The following KCTD8 variants were observed in gnomAD, a reference collection of about 807,000 sequenced individuals.
The protein encoded by KCTD8 is BTB/POZ domain-containing protein KCTD8.
Under a neutral mutation model 31.5 loss-of-function variants are expected in KCTD8, and 27 were observed. That is an observed-to-expected ratio of 0.86 (90% CI 0.63 to 1.18). The LOEUF (loss-of-function observed/expected upper bound fraction) is 1.18, where lower values mean the gene tolerates loss of function less well. KCTD8 is among the 50% of genes most tolerant of loss of function. The pLI is 0.00. For synonymous variants in KCTD8, 290 were observed against 280.0 expected (o/e 1.04, Z -0.36); for missense variants, 658 against 647.7 (o/e 1.02, Z -0.17).
At chr4:44,349,309 G>A (rs1259357922) in intron 1 of KCTD8, among the ~76,000 whole-genome samples, 1 of 152,300 alleles carries the variant, frequency 6.6e-6, no homozygotes, top group Admixed American at 6.5e-5. Flanking sequence ...TCTGAAAAAT[G>A]TTTAAGGAAG....
intron 1 of KCTD8, among the ~76,000 whole-genome samples, chr4:44,216,444 A>C (rs3113542): frequency 2.6e-5 from 4 of 152,162 alleles, no homozygotes; most frequent in African/African-American, 9.6e-5. Flanking sequence ...AGTAGAAGGC[A>C]CTATTAATCC....
rs893457743 is a variant in KCTD8, at chr4:44,265,138, C to T, written c.962-89888G>A. Among the ~76,000 whole-genome samples, 5 of 152,182 alleles carry T rather than the reference C, an allele frequency of 3.3e-5. No homozygotes were observed. The East Asian group carries it at 7.8e-4, about 24-fold the overall frequency. On this transcript the variant is annotated intron_variant, in intron 1 of 1. Coordinates refer to ENST00000360029, the MANE Select transcript of KCTD8 (RefSeq NM_198353.3). ...CCCTGAGCAGACTAACTAGGAGGCA[C>T]CCCCCAGTAGGGGCAGACTGACACC...
intron 1 of KCTD8, among the ~76,000 whole-genome samples, chr4:44,322,369 T>C (rs75886121): frequency 0.03 from 4,518 of 152,124 alleles, 289 homozygotes; most frequent in African/African-American, 0.1. Flanking sequence ...ATTTTTTTCA[T>C]ACACTATTGG....
chr4:44,315,535 T>C (rs1718082195), intron 1 of KCTD8, among the ~76,000 whole-genome samples: 1 of 152,148 alleles, frequency 6.6e-6, no homozygotes, highest in South Asian at 2.1e-4. Flanking sequence ...CTGGATAAGA[T>C]TCACTAGTTA....
chr4:44,315,796 T>G (rs1202838313), intron 1 of KCTD8, among the ~76,000 whole-genome samples: 1 of 152,192 alleles, frequency 6.6e-6, no homozygotes, highest in Non-Finnish European at 1.5e-5. Flanking sequence ...TCAGGTTCCA[T>G]GTTGCTGACG....
At chr4:44,370,065 T>A (rs1025817889) in intron 1 of KCTD8, among the ~76,000 whole-genome samples, 3 of 152,216 alleles carry the variant, frequency 2.0e-5, no homozygotes, top group African/African-American at 7.2e-5. Context: ...TCTGTTTCTG[T>A]CATCTTAGAT....
intron 1 of KCTD8, among the ~76,000 whole-genome samples, chr4:44,295,487 G>A (rs1288545937): frequency 6.6e-6 from 1 of 151,600 alleles, no homozygotes. Context: ...TTCTGGGAAA[G>A]GGAGGGAAAG....
At chr4:44,234,438 TG>T (rs1260901605) in intron 1 of KCTD8, among the ~76,000 whole-genome samples, 2 of 152,128 alleles carry the variant, frequency 1.3e-5, no homozygotes, top group African/African-American at 4.8e-5. Context: ...AGGTGTTCAT[TG>T]ACAGATAAGT....
intron 1 of KCTD8, among the ~76,000 whole-genome samples, chr4:44,443,676 G>C (rs1577674556): frequency 6.6e-6 from 1 of 152,082 alleles, no homozygotes; most frequent in East Asian, 1.9e-4. Flanking sequence ...CACACATACT[G>C]CTCAACCAAA....
At chr4:44,446,923 A>C (rs1721953668) in intron 1 of KCTD8, among the ~76,000 whole-genome samples, 1 of 152,118 alleles carries the variant, frequency 6.6e-6, no homozygotes. Context: ...ACGCAGGGAA[A>C]TCTGGGTTTC....
chr4:44,213,221 C>T (rs1189271497), intron 1 of KCTD8, among the ~76,000 whole-genome samples: 1 of 152,140 alleles, frequency 6.6e-6, no homozygotes, highest in East Asian at 1.9e-4. Context: ...CAGGCATGAG[C>T]CACCGTGCCC....
chr4:44,390,236 C>T (rs1010727185), intron 1 of KCTD8, among the ~76,000 whole-genome samples: 31 of 151,826 alleles, frequency 2.0e-4, no homozygotes, highest in Admixed American at 1.6e-3. Context: ...AGGGTTTTTC[C>T]GATGTTATCT....
intron 1 of KCTD8, among the ~76,000 whole-genome samples, chr4:44,239,188 A>C (rs1392489189): frequency 6.6e-6 from 1 of 152,176 alleles, no homozygotes; most frequent in South Asian, 2.1e-4. Flanking sequence ...TTCAAATCTA[A>C]GATAGTCTTA....
At chr4:44,443,229 C>G (rs2109485792) in intron 1 of KCTD8, among the ~76,000 whole-genome samples, 1 of 152,238 alleles carries the variant, frequency 6.6e-6, no homozygotes, top group South Asian at 2.1e-4. Flanking sequence ...TAAGTAGTAA[C>G]TCGGGAGAAA....
intron 1 of KCTD8, among the ~76,000 whole-genome samples, chr4:44,188,293 T>C (rs967671960): frequency 6.6e-6 from 1 of 152,174 alleles, no homozygotes; most frequent in African/African-American, 2.4e-5. Flanking sequence ...GAAGGAAAGA[T>C]GAAGGCATAT....
chr4:44,337,135 A>T (rs1383401700), intron 1 of KCTD8, among the ~76,000 whole-genome samples: 1 of 152,148 alleles, frequency 6.6e-6, no homozygotes, highest in Non-Finnish European at 1.5e-5. Flanking sequence ...TATAAACTGT[A>T]TTTTTGTTGT....
intron 1 of KCTD8, among the ~76,000 whole-genome samples, chr4:44,302,839 G>A (rs1717670282): frequency 2.6e-5 from 4 of 152,028 alleles, no homozygotes; most frequent in African/African-American, 7.3e-5. Flanking sequence ...CATTCAGTAT[G>A]ATATTGGCTG....
chr4:44,323,614 T>A (rs1340456784), intron 1 of KCTD8, among the ~76,000 whole-genome samples: 1 of 151,834 alleles, frequency 6.6e-6, no homozygotes, highest in East Asian at 1.9e-4. Context: ...TTGATTTTTT[T>A]ATCCCATCCT....
At chr4:44,271,438 A>C (rs1430448887) in intron 1 of KCTD8, among the ~76,000 whole-genome samples, 3 of 152,128 alleles carry the variant, frequency 2.0e-5, no homozygotes, top group Admixed American at 2.0e-4. Context: ...TAGTGTTCAA[A>C]TCTCAATGTC....
Sources: gnomAD v4.1 joint callset for allele counts (sites outside exome capture counted in the v4.1 genomes callset) on GRCh38, gnomAD v4.1.1 for gene constraint, MANE v1.5 for transcripts, NCBI Gene and HGNC (gene_info 2026-07-23, HGNC 2026-07-21) for gene names.